Variants in RP1 observed in about 807,000 individuals in gnomAD.
The protein encoded by RP1 is oxygen-regulated protein 1.
Under a neutral mutation model 14.8 loss-of-function variants are expected in RP1, and 16 were observed. That is an observed-to-expected ratio of 1.08 (90% CI 0.73 to 1.65). The LOEUF (loss-of-function observed/expected upper bound fraction) is 1.65, where lower values mean the gene tolerates loss of function less well. Among genes scored for constraint, RP1 ranks in the 40% most tolerant of loss-of-function variants. The pLI is 0.00. For missense variants in RP1, 2,631 were observed against 2,535.0 expected, an observed-to-expected ratio of 1.04 and a Z score of -0.81; for synonymous variants, 876 against 883.6, an observed-to-expected ratio of 0.99 and a Z score of 0.15.
At chr8:54,760,246 T>G (rs1053860591) in intron 22 of RP1, among the ~76,000 whole-genome samples, 19 of 152,296 alleles carry the variant, frequency 1.2e-4, no homozygotes, top group African/African-American at 4.3e-4. Context: ...TTCTTTTATC[T>G]TACTACTACC....
intron 3 of RP1, among the ~76,000 whole-genome samples, chr8:54,646,719 T>G (rs1563337353): frequency 1.3e-5 from 2 of 152,222 alleles, no homozygotes. Flanking sequence ...ATTTTCATTT[T>G]TATTTCCATT....
chr8:54,827,535 GCCTAGGCTGGTCTTGAACT>G (rs536883166), intron 24 of RP1, among the ~76,000 whole-genome samples: 175 of 152,198 alleles, frequency 1.1e-3, no homozygotes, highest in African/African-American at 4.0e-3. Flanking sequence ...TAACCATGTT[GCCTAGGCTGGTCTTGAACT>G]CCTGGGCTCA....
At chr8:54,810,568 A>T (rs1231697068) in intron 24 of RP1, among the ~76,000 whole-genome samples, 2 of 152,216 alleles carry the variant, frequency 1.3e-5, no homozygotes, top group Non-Finnish European at 2.9e-5. Flanking sequence ...CTGGAAATAA[A>T]TTGACTGTTA....
intron 14 of RP1, chr8:54,706,339 G>C: frequency 8.8e-7 from 1 of 1,135,758 alleles, no homozygotes; most frequent in African/African-American, 1.6e-5. Flanking sequence ...CAAGCCTCCT[G>C]GTCACTATGG....
In RP1 at chr8:54,626,925, G is replaced by T; in HGVS notation, c.3043G>T (p.Ala1015Ser). ...GACACAGGTTGGATCTCTGAATGAT[G>T]CTTATTTGGTTCCCCTGCATGAACA... ...HETQVGSLND[A>S]YLVPLHEHCT... Residue 1015 changes from alanine to serine, a missense_variant, in exon 4 of 4, where the codon GCT becomes TCT. Physicochemically the swap from Ala to Ser is moderately conservative, Grantham distance 99. Coordinates refer to ENST00000220676, the MANE Select transcript of RP1 (RefSeq NM_006269.2). The T allele has an allele frequency of 6.2e-7, 1 of 1,613,908 alleles. No individual in the cohort carries two copies. The highest frequency in any genetic ancestry group is 8.5e-7 in the Non-Finnish European group (1 of 1,179,966).
intron 15 of RP1, among the ~76,000 whole-genome samples, chr8:54,717,583 A>C (rs1406947935): frequency 6.6e-6 from 1 of 152,156 alleles, no homozygotes; most frequent in African/African-American, 2.4e-5. Flanking sequence ...TAAACTATGA[A>C]TAGATGGGAA....
At chr8:54,586,545 T>C (rs1804928535) in intron 1 of RP1, among the ~76,000 whole-genome samples, 1 of 152,208 alleles carries the variant, frequency 6.6e-6, no homozygotes. Flanking sequence ...GACATTTAAG[T>C]CTGCATAGGT....
At chr8:54,756,415 T>C (rs1322049742) in intron 21 of RP1, among the ~76,000 whole-genome samples, 2 of 152,164 alleles carry the variant, frequency 1.3e-5, no homozygotes, top group African/African-American at 2.4e-5. Flanking sequence ...CTTAAACCAG[T>C]TAGAGAGTGC....
chr8:54,700,950 A>C (rs1807999989), intron 13 of RP1, among the ~76,000 whole-genome samples: 1 of 152,190 alleles, frequency 6.6e-6, no homozygotes, highest in Non-Finnish European at 1.5e-5. Context: ...TTTTGGATCT[A>C]GCCATTCAAG....
chr8:54,567,150 CA>C (rs1350137892), intron 1 of RP1, among the ~76,000 whole-genome samples: 5 of 152,150 alleles, frequency 3.3e-5, no homozygotes, highest in Non-Finnish European at 7.3e-5. Context: ...TTTGCTTGTC[CA>C]AAGAAAACTT....
At chr8:54,680,177 G>A (rs1281087873) in intron 12 of RP1, among the ~76,000 whole-genome samples, 4 of 152,124 alleles carry the variant, frequency 2.6e-5, no homozygotes, top group African/African-American at 7.2e-5. Context: ...TAAAATGTAG[G>A]CAGTTATCAA....
chr8:54,814,362 G>T (rs567189576), intron 24 of RP1, among the ~76,000 whole-genome samples: 2 of 152,234 alleles, frequency 1.3e-5, no homozygotes, highest in Admixed American at 6.5e-5. Context: ...AGTAAAAAAT[G>T]AACAAAAATA....
chr8:54,625,421 C>A lies in RP1; in HGVS notation c.1539C>A (p.Asn513Lys), dbSNP rs764801304. ...HSCSKMSSVS[N>K]KPVLVQINNN... ...GCAGTAAAATGTCATCAGTATCTAA[C>A]AAACCAGTACTTGTTCAGATCAATA... The change falls in exon 4 of 4, where the codon AAC becomes AAA. Residue 513 changes from asparagine (N) to lysine (K), a missense_variant. Physicochemically the swap from Asn to Lys is moderately conservative, Grantham distance 94. Coordinates refer to ENST00000220676, the MANE Select transcript of RP1 (RefSeq NM_006269.2). 6 of 1,613,966 alleles carry A rather than the reference C, an allele frequency of 3.7e-6. No homozygotes were observed. The highest frequency in any genetic ancestry group is 2.2e-5 in the South Asian group (2 of 91,076).
intron 1 of RP1, among the ~76,000 whole-genome samples, chr8:54,598,790 T>C (rs564139542): frequency 6.6e-6 from 1 of 152,348 alleles, no homozygotes; most frequent in Non-Finnish European, 1.5e-5. Flanking sequence ...GGTTGCAATA[T>C]CCTTCGGAGC....
chr8:54,837,201 T>C (rs1056893387), intron 24 of RP1, among the ~76,000 whole-genome samples: 6 of 152,206 alleles, frequency 3.9e-5, no homozygotes, highest in Admixed American at 2.0e-4. Context: ...AAGATAGTAA[T>C]GGTGAGTTGC....
At chr8:54,652,381 G>T (rs1158342979) in intron 4 of RP1, among the ~76,000 whole-genome samples, 1 of 151,900 alleles carries the variant, frequency 6.6e-6, no homozygotes, top group Non-Finnish European at 1.5e-5. Flanking sequence ...GCCTTGTTTT[G>T]TTGCATTACA....
chr8:54,747,755 G>T (rs1809263208), intron 19 of RP1, among the ~76,000 whole-genome samples: 1 of 152,316 alleles, frequency 6.6e-6, no homozygotes, highest in South Asian at 2.1e-4. Context: ...GCAAAAATTA[G>T]CTGGGTGTGC....
intron 25 of RP1, among the ~76,000 whole-genome samples, chr8:54,847,141 G>C (rs939067807): frequency 6.6e-6 from 1 of 152,092 alleles, no homozygotes; most frequent in Non-Finnish European, 1.5e-5. Context: ...GGGAGGGAAG[G>C]AGACAGAGGG....
intron 25 of RP1, among the ~76,000 whole-genome samples, chr8:54,838,509 A>G (rs946627205): frequency 1.3e-5 from 2 of 152,134 alleles, no homozygotes; most frequent in African/African-American, 4.8e-5. Context: ...ATGAATGCTT[A>G]TATATGTATG....
Sources: gnomAD v4.1 joint callset for allele counts (sites outside exome capture counted in the v4.1 genomes callset) on GRCh38, gnomAD v4.1.1 for gene constraint, MANE v1.5 for transcripts, NCBI Gene and HGNC (gene_info 2026-07-23, HGNC 2026-07-21) for gene names.